ASAP2: variants seen among roughly 807,000 people sequenced by gnomAD.
ASAP2 encodes the protein arf-GAP with SH3 domain, ANK repeat and PH domain-containing protein 2.
In ASAP2, 45 loss-of-function variants were observed where a neutral mutation model predicts 131.4. The observed-to-expected ratio is 0.34, with a 90% CI of 0.27 to 0.44. ASAP2 has a LOEUF of 0.44. ASAP2 is among the 20% of genes least tolerant of loss of function. The pLI, the probability that ASAP2 is intolerant of heterozygous loss-of-function variation, is 1.00. For missense variants in ASAP2, 1,011 were observed against 1,297.0 expected (o/e 0.78, Z 3.39); for synonymous variants, 510 against 503.0 (o/e 1.01, Z -0.19).
chr2:9,277,948 T>G (rs2148298998), intron 1 of ASAP2, among the ~76,000 whole-genome samples: 1 of 152,374 alleles, frequency 6.6e-6, no homozygotes, highest in South Asian at 2.1e-4. Context: ...GATTCTGCTA[T>G]TGAAAACTGG....
At chr2:9,226,589 G>A (rs957793247) in intron 1 of ASAP2, among the ~76,000 whole-genome samples, 1 of 152,182 alleles carries the variant, frequency 6.6e-6, no homozygotes, top group Non-Finnish European at 1.5e-5. Flanking sequence ...GCCTCACTGA[G>A]GTTGTCCTGC....
At chr2:9,352,040 T>C (rs1672369044) in intron 12 of ASAP2, among the ~76,000 whole-genome samples, 1 of 152,198 alleles carries the variant, frequency 6.6e-6, no homozygotes, top group Non-Finnish European at 1.5e-5. Flanking sequence ...CAAGATGTTA[T>C]AAAATGCTGA....
At chr2:9,279,500 C>CG in intron 2 of ASAP2, 111 bp downstream of exon 2, 1 of 972,110 alleles carries the variant, frequency 1.0e-6, no homozygotes, top group Non-Finnish European at 1.6e-6. Flanking sequence ...ACTCCTTTAT[C>CG]GGGGCATGCA....
intron 3 of ASAP2, among the ~76,000 whole-genome samples, chr2:9,318,037 G>A (rs1007124757): frequency 3.3e-5 from 5 of 152,090 alleles, no homozygotes; most frequent in African/African-American, 1.2e-4. Flanking sequence ...GCATTCGCTC[G>A]TGTGCCTTTG....
chr2:9,388,216 T>C, intron 21 of ASAP2, 78 bp from the exon 22 acceptor site: 2 of 1,572,722 alleles, frequency 1.3e-6, no homozygotes, highest in South Asian at 2.3e-5. Flanking sequence ...AGTGAGGTTT[T>C]CACCCCTGTG....
chr2:9,383,292 T>C (rs1441611253), intron 20 of ASAP2, among the ~76,000 whole-genome samples: 2 of 152,054 alleles, frequency 1.3e-5, no homozygotes, highest in Non-Finnish European at 2.9e-5. Context: ...AGACAGTGTC[T>C]CTCTGTTGCC....
intron 1 of ASAP2, among the ~76,000 whole-genome samples, chr2:9,258,887 C>T (rs1420505696): frequency 6.6e-6 from 1 of 152,250 alleles, no homozygotes; most frequent in East Asian, 1.9e-4. Context: ...TAGGACTCAG[C>T]ATTTTAGAGT....
At chr2:9,216,721 A>C (rs1321102353) in intron 1 of ASAP2, among the ~76,000 whole-genome samples, 3 of 151,834 alleles carry the variant, frequency 2.0e-5, no homozygotes, top group Non-Finnish European at 4.4e-5. Flanking sequence ...TTGGCCTCCC[A>C]AAGTGCTGGG....
chr2:9,365,850 G>A (rs1673433585), intron 15 of ASAP2, among the ~76,000 whole-genome samples: 1 of 152,202 alleles, frequency 6.6e-6, no homozygotes, highest in Non-Finnish European at 1.5e-5. Context: ...CACAGACGAG[G>A]GGCTCAGAGT....
In ASAP2 at chr2:9,400,774, C is replaced by T. The variant is rs576081021; in HGVS notation, c.2767C>T (p.Leu923=). The change falls in exon 26 of 28, where the codon CTG becomes TTG. Residue 923 remains leucine (L), a synonymous_variant. Transcript: ENST00000281419. The part of the protein sequence containing the change: ...DLSATEALGP[L]SNAMVLQPPA... Reference sequence around the variant, plus strand: ...CTCTGCAACGGAAGCTCTGGGTCCTCTGTCCAATGCTATGGTCCTGCAGCC... The same window carrying T: ...CTCTGCAACGGAAGCTCTGGGTCCTTTGTCCAATGCTATGGTCCTGCAGCC... 1.3e-5 allele frequency: 21 copies of T among 1,613,802 alleles called. No individual in the cohort carries two copies. The South Asian group carries it at 2.1e-4, about 16-fold the overall frequency.
At chr2:9,398,021 G>C (rs1275836048) in intron 24 of ASAP2, among the ~76,000 whole-genome samples, 2 of 151,402 alleles carry the variant, frequency 1.3e-5, no homozygotes. Context: ...GCCTCCCAAA[G>C]TGCTGGGATT....
rs1369562111 is a variant in ASAP2 at position 9,393,595 on chromosome 2, C to G, written c.2632C>G (p.Pro878Ala). ...TGGGATCTCACAGATCAGGCCCCCA[C>G]CTCTGCCCCCACAGCCGCCCAGCCG... Reference protein sequence around the residue: ...PPGISQIRPPPLPPQPPSRLP... With the variant: ...PPGISQIRPPALPPQPPSRLP... The change falls in exon 24 of 28, where the codon CCT (proline) becomes GCT (alanine). Residue 878 changes from proline to alanine, a missense_variant. Transcript: ENST00000281419. The G allele has an allele frequency of 6.3e-7, 1 of 1,593,866 alleles. No homozygotes were observed. The highest frequency in any genetic ancestry group is 1.3e-5 in the African/African-American group (1 of 74,522).
At chr2:9,273,676 C>A (rs889879515) in intron 1 of ASAP2, among the ~76,000 whole-genome samples, 7 of 152,170 alleles carry the variant, frequency 4.6e-5, no homozygotes, top group African/African-American at 1.7e-4. Flanking sequence ...CATAGGCAGT[C>A]AAAACTGTCG....
At position 9,318,590 on chromosome 2, in the gene ASAP2, G is replaced by A. The variant is rs1558326962; in HGVS notation, c.412G>A (p.Val138Met). The A allele has an allele frequency of 6.2e-7, 1 of 1,611,528 alleles. No homozygotes were observed. The highest frequency in any genetic ancestry group is 8.5e-7 in the Non-Finnish European group (1 of 1,178,208). Residue 138 changes from valine (V) to methionine (M), a missense_variant, in exon 4 of 28, where the codon GTG becomes ATG. By Grantham distance (21) the Val-to-Met change is conservative (BLOSUM62 1). Transcript: ENST00000281419. The part of the protein sequence containing the change: ...DSLLKGDLKG[V>M]KGDLKKPFDK... ...TTTGCTGAAGGGGGACCTGAAAGGA[G>A]TGAAAGGGGTATGACATTGACACTG...
chr2:9,388,483 G>A lies in ASAP2; in HGVS notation c.2320G>A (p.Ala774Thr), dbSNP rs374864722. The A allele has an allele frequency of 8.4e-5, 135 of 1,612,518 alleles. No homozygotes were observed. The highest frequency in any genetic ancestry group is 9.9e-5 in the Non-Finnish European group (117 of 1,179,526). The change falls in exon 22 of 28, where the codon GCC becomes ACC. Residue 774 changes from alanine (A) to threonine (T), a missense_variant. Coordinates refer to ENST00000281419, the MANE Select transcript of ASAP2 (RefSeq NM_003887.3). ...CCTCCTGAGTGGCAGCCCACCTCCCGCCCAGCCTGCAGCCCCCAGCACCAC... is the reference window on the plus strand; with the variant it reads ...CCTCCTGAGTGGCAGCCCACCTCCCACCCAGCCTGCAGCCCCCAGCACCAC... ...GALLSGSPPP[A>T]QPAAPSTTSA... is the part of the protein sequence containing the mutation.
intron 11 of ASAP2, among the ~76,000 whole-genome samples, chr2:9,349,785 A>G (rs1381862902): frequency 6.6e-6 from 1 of 152,184 alleles, no homozygotes; most frequent in African/African-American, 2.4e-5. Context: ...CTGTAGACTT[A>G]CTGGAAGGAA....
At chr2:9,271,454 G>T in intron 1 of ASAP2, 1 of 1,400,866 alleles carries the variant, frequency 7.1e-7, no homozygotes, top group Non-Finnish European at 1.0e-6. Flanking sequence ...GCCTTCACTG[G>T]TTTCTTTTTG....
chr2:9,241,786 A>T (rs935611836), intron 1 of ASAP2, among the ~76,000 whole-genome samples: 5 of 152,192 alleles, frequency 3.3e-5, no homozygotes, highest in African/African-American at 1.2e-4. Context: ...TAAGTCAAGG[A>T]AAGCGAGGAG....
chr2:9,312,799 C>T (rs1669390306), intron 3 of ASAP2, among the ~76,000 whole-genome samples: 2 of 152,202 alleles, frequency 1.3e-5, no homozygotes, highest in African/African-American at 2.4e-5. Context: ...ACCCCCCTCT[C>T]CTGCCACCAC....
Sources: gnomAD v4.1 joint callset for allele counts (sites outside exome capture counted in the v4.1 genomes callset) on GRCh38, gnomAD v4.1.1 for gene constraint, MANE v1.5 for transcripts, NCBI Gene and HGNC (gene_info 2026-07-23, HGNC 2026-07-21) for gene names.